Variants in CDH17 observed in about 807,000 individuals in gnomAD.
The protein encoded by CDH17 is cadherin 17, also known as cadherin-17.
In CDH17, 67 loss-of-function variants were observed where a neutral mutation model predicts 86.3. The ratio of observed to expected loss-of-function variants is 0.78; its 90% CI spans 0.64 to 0.95. The LOEUF is 0.95. Ranked by LOEUF, CDH17 falls within the 40% of genes least tolerant of loss-of-function variation. The pLI is 0.00. For synonymous variants in CDH17, 367 were observed against 366.4 expected (o/e 1.00, Z -0.02); for missense variants, 993 against 1,017.6 (o/e 0.98, Z 0.33).
At chr8:94,161,744 T>C (rs1813056774) in intron 11 of CDH17, among the ~76,000 whole-genome samples, 1 of 152,226 alleles carries the variant, frequency 6.6e-6, no homozygotes, top group Admixed American at 6.5e-5. Flanking sequence ...TAAATCTATT[T>C]ATTGTCCTAA....
At chr8:94,202,896 A>G (rs975861817) in intron 1 of CDH17, 2 of 274,144 alleles carry the variant, frequency 7.3e-6, no homozygotes, top group Admixed American at 9.4e-5. Flanking sequence ...GATCAGGAAT[A>G]TCTGCCAATT....
Position 94,170,450 on chromosome 8 carries a change from G to C in CDH17, c.1013C>G (p.Pro338Arg), listed in dbSNP as rs770282067. ...TACGGTTACTGGTGACGGACATGTA[G>C]GTGGATTATCATTAATATCTTTAAC... ...VKVKDINDNP[P>R]TCPSPVTVFE... is the part of the protein sequence containing the mutation. Residue 338 changes from proline to arginine, a missense_variant, in exon 9 of 18, where the codon CCT (proline) becomes CGT (arginine). Physicochemically the swap from Pro to Arg is moderately radical, Grantham distance 103. Transcript: ENST00000027335. 1.9e-6 allele frequency: 3 copies of C among 1,613,792 alleles called. No individual in the cohort carries two copies. Among genetic ancestry groups the C allele is most frequent in the Non-Finnish European group, 1.7e-6 (2 of 1,179,774 alleles).
At position 94,165,847 on chromosome 8, in the gene CDH17, T is replaced by G. The variant is rs1813141522; in HGVS notation, c.1196A>C (p.Tyr399Ser). The G allele has an allele frequency of 6.2e-7, 1 of 1,613,860 alleles. No individual in the cohort carries two copies. Residue 399 changes from tyrosine to serine, a missense_variant, in exon 10 of 18, where the codon TAT (tyrosine) becomes TCT (serine). Coordinates refer to ENST00000027335, the MANE Select transcript of CDH17 (RefSeq NM_004063.4). Reference protein sequence around the residue: ...PMDGLFLIQTYAGMLQLAKQS... With the variant: ...PMDGLFLIQTSAGMLQLAKQS... The stretch of plus-strand genomic sequence containing the variant: ...TTTAGCTAACTGTAACATTCCAGCA[T>G]AGGTTTGGATTAGGAAGAGTCCATC...
At chr8:94,182,468 A>G (rs1813502116) in intron 3 of CDH17, among the ~76,000 whole-genome samples, 1 of 152,172 alleles carries the variant, frequency 6.6e-6, no homozygotes, top group Non-Finnish European at 1.5e-5. Context: ...GGTTCAATCT[A>G]TGAAGGTCAA....
In CDH17 at chr8:94,165,780, C is replaced by T. The variant is rs377170293; in HGVS notation, c.1263G>A (p.Thr421=). The change falls in exon 10 of 18, where the codon ACG becomes ACA. Residue 421 remains threonine (T), a synonymous_variant. Coordinates refer to ENST00000027335, the MANE Select transcript of CDH17 (RefSeq NM_004063.4). ...ACTAACCTTTGTCAGACACCTCTATCGTTAAGTTGTACTGAGGAGTATCTT... is the reference window on the plus strand; with the variant it reads ...ACTAACCTTTGTCAGACACCTCTATTGTTAAGTTGTACTGAGGAGTATCTT... ...KKQDTPQYNL[T]IEVSDKDFKT... is the part of the protein sequence containing the mutation. The T allele has an allele frequency of 1.7e-5, 27 of 1,611,158 alleles. No homozygotes were observed. Among genetic ancestry groups the T allele is most frequent in the African/African-American group, 2.7e-5 (2 of 74,864 alleles).
intron 15 of CDH17, among the ~76,000 whole-genome samples, chr8:94,144,893 G>C (rs556305417): frequency 2.0e-5 from 3 of 152,232 alleles, no homozygotes; most frequent in Non-Finnish European, 4.4e-5. Flanking sequence ...ATGGCAAATT[G>C]CATATGAAAA....
chr8:94,197,829 TAAAAAAAAAAAAAAAAAAAG>T (rs1393114861), intron 1 of CDH17, among the ~76,000 whole-genome samples: 2 of 121,392 alleles, frequency 1.6e-5, no homozygotes, highest in Non-Finnish European at 3.4e-5. Context: ...AGACTCTGTC[TAAAAAAAAAAAAAAAAAAAG>T]AAAAAAAGAA....
intron 12 of CDH17, 64 bp from the exon 13 acceptor site, chr8:94,152,176 C>T: frequency 6.4e-7 from 1 of 1,559,986 alleles, no homozygotes; most frequent in East Asian, 2.3e-5. Flanking sequence ...GATTCATTCC[C>T]TATCCTTCTT....
At chr8:94,143,380 T>C (rs1031866473) in intron 15 of CDH17, among the ~76,000 whole-genome samples, 1 of 152,188 alleles carries the variant, frequency 6.6e-6, no homozygotes, top group Non-Finnish European at 1.5e-5. Flanking sequence ...TGTTGTTCCA[T>C]TGACAGAGCA....
chr8:94,166,116 G>T, intron 9 of CDH17, 140 bp from the exon 10 acceptor site: 2 of 629,350 alleles, frequency 3.2e-6, no homozygotes, highest in Non-Finnish European at 5.6e-6. Context: ...GAGTTATTTT[G>T]GTTCTTCTCA....
At chr8:94,130,191 A>G (rs2513796) in intron 17 of CDH17, among the ~76,000 whole-genome samples, 125,801 of 152,072 alleles carry the variant, frequency 0.83, 52,190 homozygotes, top group African/African-American at 0.85. Context: ...CACATTTCAG[A>G]TATCTCAGCA....
rs1366035205 is a variant in CDH17, at chr8:94,165,791, A to T, written c.1252T>A (p.Tyr418Asn). 2 of 1,613,316 alleles carry T rather than the reference A, an allele frequency of 1.2e-6. No homozygotes were observed. The highest frequency in any genetic ancestry group is 1.7e-6 in the Non-Finnish European group (2 of 1,179,360). ...TCAGACACCTCTATCGTTAAGTTGT[A>T]CTGAGGAGTATCTTGCTTCTTCAAG... Reference protein sequence around the residue: ...QSLKKQDTPQYNLTIEVSDKD... With the variant: ...QSLKKQDTPQNNLTIEVSDKD... Residue 418 changes from tyrosine to asparagine, a missense_variant, in exon 10 of 18, where the codon TAC becomes AAC. Transcript: ENST00000027335.
chr8:94,157,979 G>T (rs1024905176), intron 12 of CDH17, among the ~76,000 whole-genome samples: 1 of 152,130 alleles, frequency 6.6e-6, no homozygotes, highest in South Asian at 2.1e-4. Context: ...CCAGCAGATT[G>T]TACCCTGCAG....
chr8:94,163,330 T>C (rs138448580), intron 10 of CDH17, among the ~76,000 whole-genome samples: 1 of 152,368 alleles, frequency 6.6e-6, no homozygotes, highest in African/African-American at 2.4e-5. Context: ...CTGTGCTCTG[T>C]AGCCCAAGGG....
At chr8:94,171,645 C>G (rs1813270943) in intron 7 of CDH17, among the ~76,000 whole-genome samples, 1 of 152,112 alleles carries the variant, frequency 6.6e-6, no homozygotes, top group Admixed American at 6.5e-5. Context: ...TTGCCACATG[C>G]CAGACACAAT....
intron 5 of CDH17, among the ~76,000 whole-genome samples, chr8:94,174,986 ACTAGAGACAG>A (rs1229819986): frequency 2.0e-5 from 3 of 152,228 alleles, no homozygotes; most frequent in Non-Finnish European, 4.4e-5. Context: ...CCAGTGATGT[ACTAGAGACAG>A]CTCATGAGAC....
Position 94,148,884 on chromosome 8 carries a change from A to G in CDH17, c.1797-10T>C, listed in dbSNP as rs752104898. ...TCCCCTCAGTGAATAGCTTCATCAA[A>G]TGAAAAGAGCAAAAGAAAGCCTGCA... is the stretch of plus-strand genomic sequence containing the variant. On this transcript the variant is annotated splice_polypyrimidine_tract_variant and intron_variant, in intron 13 of 17. Coordinates refer to ENST00000027335, the MANE Select transcript of CDH17 (RefSeq NM_004063.4). 5 of 1,595,816 alleles carry G rather than the reference A, an allele frequency of 3.1e-6. No homozygotes were observed. The highest frequency in any genetic ancestry group is 1.4e-5 in the African/African-American group (1 of 73,520).
chr8:94,147,587 T>G (rs186838294), intron 14 of CDH17, among the ~76,000 whole-genome samples: 4 of 152,330 alleles, frequency 2.6e-5, no homozygotes, highest in Admixed American at 2.0e-4. Flanking sequence ...ACTAGCTAAT[T>G]AGAGACTGGT....
Position 94,187,929 on chromosome 8 carries a change from G to A in CDH17, c.150+1258C>T, listed in dbSNP as rs532428563. On this transcript the variant is annotated intron_variant, in intron 3 of 17. Coordinates refer to ENST00000027335, the MANE Select transcript of CDH17 (RefSeq NM_004063.4). ...GCCCCTAATAACACCCTACCTCACCGGGCTGCATAGACATGCAAGCATGCC... is the reference window on the plus strand; with the variant it reads ...GCCCCTAATAACACCCTACCTCACCAGGCTGCATAGACATGCAAGCATGCC... Among the ~76,000 whole-genome samples the A allele has an allele frequency of 1.4e-4, 21 of 152,148 alleles. No individual in the cohort carries two copies. The Middle Eastern group carries it at 0.01, about 74-fold the overall frequency.
Sources: gnomAD v4.1 joint callset for allele counts (sites outside exome capture counted in the v4.1 genomes callset) on GRCh38, gnomAD v4.1.1 for gene constraint, MANE v1.5 for transcripts, NCBI Gene and HGNC (gene_info 2026-07-23, HGNC 2026-07-21) for gene names.